The following PRH1 variants were observed in gnomAD, a reference collection of about 807,000 sequenced individuals.
PRH1 encodes proline rich protein HaeIII subfamily 1.
In PRH1, 7 loss-of-function variants were observed where a neutral mutation model predicts 7.9. The ratio of observed to expected loss-of-function variants is 0.89; its 90% CI spans 0.50 to 1.67. The LOEUF (loss-of-function observed/expected upper bound fraction) is 1.67. Among genes scored for constraint, PRH1 ranks in the 40% most tolerant of loss-of-function variants. PRH1 has a pLI of 0.00. For missense variants in PRH1, 109 were observed against 223.6 expected, an observed-to-expected ratio of 0.49 and a Z score of 3.27; for synonymous variants, 45 against 80.8, an observed-to-expected ratio of 0.56 and a Z score of 2.38.
At chr12:10,962,391 G>A (rs575967857) in intron 2 of PRH1, among the ~76,000 whole-genome samples, 3 of 152,210 alleles carry the variant, frequency 2.0e-5, no homozygotes, top group African/African-American at 7.2e-5. Context: ...TTTATATGCT[G>A]TTTTGAAGGT....
intron 2 of PRH1, chr12:10,932,077 C>G (rs1401700928): frequency 1.2e-5 from 3 of 255,756 alleles, no homozygotes; most frequent in Non-Finnish European, 2.6e-5. Context: ...AAAGTGTGAA[C>G]AAAGAAAATG....
At position 11,090,401 on chromosome 12, in the gene PRH1, A is replaced by G. The variant is rs1054945337; in HGVS notation, n.124-43213T>C. ...AAGGTAAGGATATAATTAGCAAATC[A>G]GGGGCTTAAAAGTGCTTTAGAAAGA... On this transcript the variant is annotated intron_variant and non_coding_transcript_variant, in intron 1 of 4. Transcript: ENST00000541977. Among the ~76,000 whole-genome samples the G allele has an allele frequency of 9.4e-5, 11 of 116,416 alleles. 3 individuals are homozygous for G. In the Admixed American group the frequency reaches 9.5e-4, roughly 10 times the overall value. 76.4% of individuals were successfully genotyped at this position (116,416 alleles called of 152,430 possible).
intron 1 of PRH1, among the ~76,000 whole-genome samples, chr12:11,017,691 C>T (rs1195195740): frequency 2.0e-5 from 3 of 151,884 alleles, no homozygotes; most frequent in Non-Finnish European, 4.4e-5. Context: ...TGGGGTTTCA[C>T]CATGTTGCTC....
intron 1 of PRH1, among the ~76,000 whole-genome samples, chr12:10,985,394 A>G (rs1939562295): frequency 1.3e-5 from 2 of 152,076 alleles, no homozygotes; most frequent in African/African-American, 4.8e-5. Flanking sequence ...AACTAAACAT[A>G]AAATTAGAAT....
chr12:11,135,629 G>A (rs563853822), intron 1 of PRH1, among the ~76,000 whole-genome samples: 4 of 152,118 alleles, frequency 2.6e-5, no homozygotes, highest in Non-Finnish European at 5.9e-5. Context: ...CCAAGAGTGT[G>A]GGAAATGTGT....
intron 1 of PRH1, chr12:11,062,239 A>G (rs1423676982): frequency 2.4e-5 from 38 of 1,613,302 alleles, no homozygotes; most frequent in Non-Finnish European, 3.1e-5. Context: ...AAAATTTCCA[A>G]TCACAAATGT....
chr12:10,983,447 T>C (rs1390514328), intron 1 of PRH1, among the ~76,000 whole-genome samples: 1 of 152,226 alleles, frequency 6.6e-6, no homozygotes, highest in African/African-American at 2.4e-5. Flanking sequence ...TCTTCTCTTT[T>C]CTTGGTCAGC....
At chr12:11,042,418 A>C (rs1243158820) in intron 1 of PRH1, among the ~76,000 whole-genome samples, 1 of 150,812 alleles carries the variant, frequency 6.6e-6, no homozygotes, top group Non-Finnish European at 1.5e-5. Flanking sequence ...AACCATAAAG[A>C]AGCCCAAAAC....
chr12:11,101,708 C>G (rs2597968), intron 1 of PRH1, among the ~76,000 whole-genome samples: 69,177 of 151,842 alleles, frequency 0.46, 16,563 homozygotes, highest in Non-Finnish European at 0.53. Flanking sequence ...AACTAATAAA[C>G]AGTAAGATAA....
In PRH1 at chr12:10,881,059, G is replaced by T; in HGVS notation, c.*19-3C>A. The T allele has an allele frequency of 5.2e-6, 1 of 194,028 alleles. No homozygotes were observed. Among genetic ancestry groups the T allele is most frequent in the South Asian group, 7.6e-5 (1 of 13,200 alleles). The allele number at this position is 194,028 out of a possible 1,614,324, so 12.0% of individuals were successfully genotyped here. The stretch of plus-strand genomic sequence containing the variant: ...ACTGTTATCTTCTTATTCACTTCCT[G>T]AAAAAGACAAGCAAACAAGGAAGAT... On this transcript the variant is annotated splice_region_variant and splice_polypyrimidine_tract_variant and intron_variant, in intron 3 of 3. Coordinates refer to ENST00000543626, the MANE Select transcript of PRH1 (RefSeq NM_001393989.1).
chr12:11,170,848 A>G (rs538686252), intron 1 of PRH1, among the ~76,000 whole-genome samples: 2 of 152,330 alleles, frequency 1.3e-5, no homozygotes, highest in African/African-American at 4.8e-5. Context: ...TTTTATGTCT[A>G]TGGTATATTA....
chr12:10,914,925 G>A (rs7398041), intron 2 of PRH1, among the ~76,000 whole-genome samples: 29,319 of 152,060 alleles, frequency 0.19, 3,463 homozygotes, highest in Non-Finnish European at 0.26. Flanking sequence ...TCAGGAGATC[G>A]AGACCACCCT....
chr12:11,136,667 T>G (rs1248342249), intron 1 of PRH1, among the ~76,000 whole-genome samples: 1 of 152,222 alleles, frequency 6.6e-6, no homozygotes, highest in Non-Finnish European at 1.5e-5. Context: ...TCATTTACAA[T>G]TATGCACATA....
chr12:11,165,636 T>C (rs576941210), intron 1 of PRH1, among the ~76,000 whole-genome samples: 10 of 152,374 alleles, frequency 6.6e-5, no homozygotes, highest in African/African-American at 1.4e-4. Context: ...TTTGTATGTG[T>C]GTATACATAT....
intron 1 of PRH1, chr12:11,022,270 C>A: frequency 6.2e-7 from 1 of 1,614,142 alleles, no homozygotes; most frequent in Non-Finnish European, 8.5e-7. Flanking sequence ...TATGCTGAGG[C>A]TAGCAGCAAG....
intron 1 of PRH1, among the ~76,000 whole-genome samples, chr12:11,015,746 T>C (rs1941264399): frequency 6.6e-6 from 1 of 152,208 alleles, no homozygotes; most frequent in Admixed American, 6.5e-5. Context: ...CATAACTCAC[T>C]ACAGCCTTGA....
chr12:11,139,145 T>C (rs1946637013), intron 1 of PRH1, among the ~76,000 whole-genome samples: 1 of 152,258 alleles, frequency 6.6e-6, no homozygotes, highest in African/African-American at 2.4e-5. Context: ...TATGAGAATA[T>C]GCTGTATCAC....
intron 1 of PRH1, among the ~76,000 whole-genome samples, chr12:11,038,245 G>C (rs867075797): frequency 6.6e-6 from 1 of 152,134 alleles, no homozygotes; most frequent in South Asian, 2.1e-4. Context: ...CACATAGAGA[G>C]TAATAACACA....
intron 2 of PRH1, among the ~76,000 whole-genome samples, chr12:10,915,939 A>T (rs554717964): frequency 1.3e-5 from 2 of 152,294 alleles, no homozygotes; most frequent in South Asian, 4.1e-4. Flanking sequence ...GCCTTAGTTG[A>T]CCTTATTAAC....
Sources: gnomAD v4.1 joint callset for allele counts (sites outside exome capture counted in the v4.1 genomes callset) on GRCh38, gnomAD v4.1.1 for gene constraint, MANE v1.5 for transcripts, NCBI Gene and HGNC (gene_info 2026-07-23, HGNC 2026-07-21) for gene names.